Variants in VCL observed in about 807,000 individuals in gnomAD.
VCL encodes epididymis luminal protein 114.
In VCL, 47 loss-of-function variants were observed where a neutral mutation model predicts 125.7. That is an observed-to-expected ratio of 0.37 (90% CI 0.30 to 0.48). VCL has a LOEUF of 0.48. Among genes scored for constraint, VCL ranks in the 20% least tolerant of loss-of-function variants. VCL has a pLI of 0.99. For synonymous variants in VCL, 458 were observed against 514.6 expected (o/e 0.89, Z 1.49); for missense variants, 1,069 against 1,455.5 (o/e 0.73, Z 4.32).
intron 12 of VCL, among the ~76,000 whole-genome samples, 179 bp downstream of exon 12, chr10:74,096,034 G>T (rs1054196053): frequency 2.6e-5 from 4 of 152,098 alleles, no homozygotes; most frequent in Admixed American, 2.0e-4. Context: ...CTGGTATATA[G>T]TAGCAACTAA....
rs1387775229 is a variant in VCL at position 74,105,283 on chromosome 10, T to C, written c.2364T>C (p.Asp788=). The C allele has an allele frequency of 1.9e-6, 3 of 1,613,590 alleles. No homozygotes were observed. Among genetic ancestry groups the C allele is most frequent in the South Asian group, 1.1e-5 (1 of 91,066 alleles). The part of the protein sequence containing the change: ...KFREAVKAAS[D]ELSKTISPMV... ...GTGAGGCTGTGAAAGCTGCCTCTGA[T>C]GAATTGAGCAAAACCATCTCCCCGA... is the stretch of plus-strand genomic sequence containing the variant. Residue 788 remains aspartate, a synonymous_variant, in exon 16 of 22, where the codon GAT becomes GAC. Coordinates refer to ENST00000211998, the MANE Select transcript of VCL (RefSeq NM_014000.3).
At chr10:74,027,315 A>ATTTTT (rs368271046) in intron 1 of VCL, among the ~76,000 whole-genome samples, 1 of 145,054 alleles carries the variant, frequency 6.9e-6, no homozygotes. Context: ...ATATTTACCC[A>ATTTTT]TTTTTTTTTT....
intron 1 of VCL, among the ~76,000 whole-genome samples, chr10:73,999,338 T>C (rs1029359579): frequency 3.3e-5 from 5 of 152,180 alleles, no homozygotes; most frequent in African/African-American, 1.2e-4. Context: ...CAGACCCCTG[T>C]AACCCACAGC....
intron 18 of VCL, among the ~76,000 whole-genome samples, chr10:74,109,990 A>C (rs1455023688): frequency 2.0e-5 from 3 of 151,956 alleles, no homozygotes; most frequent in Admixed American, 6.6e-5. Flanking sequence ...TCTTGTGTCG[A>C]TTGTATTTCC....
intron 14 of VCL, among the ~76,000 whole-genome samples, chr10:74,103,431 T>G (rs1359864714): frequency 6.6e-6 from 1 of 152,196 alleles, no homozygotes; most frequent in Non-Finnish European, 1.5e-5. Context: ...GTTGTGAGGA[T>G]TTTTTCTTCA....
At chr10:73,999,933 A>G (rs1034004394) in intron 1 of VCL, among the ~76,000 whole-genome samples, 1 of 152,206 alleles carries the variant, frequency 6.6e-6, no homozygotes, top group Non-Finnish European at 1.5e-5. Flanking sequence ...CCAGGCCTCC[A>G]TTTTTCAACA....
At chr10:74,042,966 A>T in intron 1 of VCL, 117 bp from the exon 2 acceptor site, 1 of 1,095,864 alleles carries the variant, frequency 9.1e-7, no homozygotes, top group Non-Finnish European at 1.3e-6. Context: ...ATCTCCCTTA[A>T]ATCTAGAAAC....
chr10:74,102,786 A>G (rs1840079417), intron 14 of VCL, among the ~76,000 whole-genome samples: 1 of 152,226 alleles, frequency 6.6e-6, no homozygotes, highest in Non-Finnish European at 1.5e-5. Context: ...CCTAAAAAGG[A>G]GGAACAGGAA....
Position 74,097,812 on chromosome 10 carries a change from A to G in VCL, c.1872+480A>G, listed in dbSNP as rs1313978469. On this transcript the variant is annotated intron_variant, in intron 13 of 21. Transcript: ENST00000211998. This position sits in a 1 kb window ranked among gnomAD's most constrained non-coding sequence, Gnocchi z 4.1. The stretch of plus-strand genomic sequence containing the variant: ...TCATTCTTATACTCAGACCCTTCCA[A>G]TGACTCCCCGCTATCCCAGAGTAAA... 6.6e-6 allele frequency among the ~76,000 whole-genome samples: 1 copy of G among 152,162 alleles called. No homozygotes were observed. Among genetic ancestry groups the G allele is most frequent in the African/African-American group, 2.4e-5 (1 of 41,440 alleles).
intron 1 of VCL, among the ~76,000 whole-genome samples, chr10:74,037,781 G>C (rs1029292157): frequency 3.3e-5 from 5 of 152,252 alleles, no homozygotes; most frequent in Admixed American, 6.5e-5. Context: ...GACCACATAG[G>C]AAAGGAATAA....
chr10:74,108,359 G>T (rs573796160), intron 17 of VCL, among the ~76,000 whole-genome samples: 2 of 152,284 alleles, frequency 1.3e-5, no homozygotes, highest in South Asian at 2.1e-4. Flanking sequence ...CTGCTTTCTG[G>T]TAGAACCAGG....
chr10:74,069,737 T>C (rs979694798), intron 2 of VCL, among the ~76,000 whole-genome samples: 1 of 152,168 alleles, frequency 6.6e-6, no homozygotes, highest in African/African-American at 2.4e-5. Flanking sequence ...AGATGATCTA[T>C]TAGGTTATTT....
At chr10:74,014,463 G>A (rs972841935) in intron 1 of VCL, among the ~76,000 whole-genome samples, 17 of 151,458 alleles carry the variant, frequency 1.1e-4, no homozygotes, top group Admixed American at 2.0e-4. Context: ...TTGAACTCCT[G>A]GACTTAAGCA....
chr10:74,057,252 T>G lies in VCL; in HGVS notation c.240-13418T>G, dbSNP rs551152138. 1.4e-4 allele frequency among the ~76,000 whole-genome samples: 22 copies of G among 152,140 alleles called. No homozygotes were observed. In the South Asian group the frequency reaches 2.5e-3, roughly 17 times the overall value. Reference sequence around the variant, plus strand: ...GAGTCACCATCCCTGGCTCTATTTTTATTATTTAAAAAAAAATTATATGTA... The same window carrying G: ...GAGTCACCATCCCTGGCTCTATTTTGATTATTTAAAAAAAAATTATATGTA... On this transcript the variant is annotated intron_variant, in intron 2 of 21. Transcript: ENST00000211998.
chr10:74,071,033 TG>T lies in VCL; in HGVS notation c.451del (p.Val151TrpfsTer18). 1.2e-6 allele frequency: 2 copies of T among 1,614,106 alleles called. No homozygotes were observed. Among genetic ancestry groups the T allele is most frequent in the Non-Finnish European group, 1.7e-6 (2 of 1,179,994 alleles). On this transcript the variant is annotated frameshift_variant, in exon 4 of 22. Coordinates refer to ENST00000211998, the MANE Select transcript of VCL (RefSeq NM_014000.3). LOFTEE classifies it high-confidence loss of function. The surrounding 1 kb of genome is among the most constrained non-coding windows in gnomAD (Gnocchi z 4.1). ...TTGGAATATCTTACAGTGGCAGAGG[TG>T]GTGGAGACTATGGAAGATTTGGTCA... ...GILEYLTVAE[V>X]VETMEDLVTY...
intron 14 of VCL, among the ~76,000 whole-genome samples, chr10:74,102,991 C>G (rs1278795422): frequency 6.6e-6 from 1 of 152,088 alleles, no homozygotes; most frequent in Non-Finnish European, 1.5e-5. Flanking sequence ...CTCAGCCTCC[C>G]CAGTAGCTAA....
At chr10:74,031,809 A>C (rs891146938) in intron 1 of VCL, among the ~76,000 whole-genome samples, 4 of 152,136 alleles carry the variant, frequency 2.6e-5, no homozygotes, top group Non-Finnish European at 5.9e-5. Context: ...TCATGCCTGT[A>C]ATCCCAGCAC....
rs767784476 is a variant in VCL at position 74,078,139 on chromosome 10, A to T, written c.783+3236A>T. On this transcript the variant is annotated intron_variant, in intron 6 of 21. Coordinates refer to ENST00000211998, the MANE Select transcript of VCL (RefSeq NM_014000.3). ...TTAAGAGGAAGTGAGATAAAAAATT[A>T]AAAAAAAATTTCACTGCTAAGACTT... Among the ~76,000 whole-genome samples the T allele has an allele frequency of 6.6e-5, 10 of 151,808 alleles. No individual in the cohort carries two copies. In the East Asian group the frequency reaches 7.7e-4, roughly 12 times the overall value.
At chr10:74,033,237 G>A (rs1459981634) in intron 1 of VCL, among the ~76,000 whole-genome samples, 1 of 152,158 alleles carries the variant, frequency 6.6e-6, no homozygotes, top group Non-Finnish European at 1.5e-5. Context: ...GATGAAAGAA[G>A]CTAGTCACTA....
Sources: allele counts gnomAD v4.1 joint callset (sites outside exome capture counted in the v4.1 genomes callset), GRCh38; gene constraint gnomAD v4.1.1; non-coding constraint Gnocchi (gnomAD v3.1); transcripts MANE v1.5; gene names NCBI Gene and HGNC (gene_info 2026-07-23, HGNC 2026-07-21).